Variants in ELAVL2 observed in about 807,000 individuals in gnomAD.
ELAVL2 encodes the protein ELAV like RNA binding protein 2, also known as ELAV-like protein 2.
In ELAVL2, 4 loss-of-function variants were observed where a neutral mutation model predicts 34.6. The ratio of observed to expected loss-of-function variants is 0.12; its 90% CI spans 0.06 to 0.26. The LOEUF (loss-of-function observed/expected upper bound fraction) is 0.26. Ranked by LOEUF, ELAVL2 falls within the 10% of genes least tolerant of loss-of-function variation. The pLI, the probability that ELAVL2 is intolerant of heterozygous loss-of-function variation, is 1.00. For missense variants in ELAVL2, 432 were observed against 442.8 expected, an observed-to-expected ratio of 0.98 and a Z score of 0.22; for synonymous variants, 193 against 154.8, an observed-to-expected ratio of 1.25 and a Z score of -1.83.
At chr9:23,751,288 T>C (rs938618286) in intron 2 of ELAVL2, among the ~76,000 whole-genome samples, 4 of 152,134 alleles carry the variant, frequency 2.6e-5, no homozygotes, top group Non-Finnish European at 4.4e-5. Context: ...ATTCACAATA[T>C]GCATAAGGAT....
intron 3 of ELAVL2, among the ~76,000 whole-genome samples, chr9:23,714,198 T>C (rs1312103710): frequency 6.6e-6 from 1 of 152,162 alleles, no homozygotes; most frequent in Non-Finnish European, 1.5e-5. Flanking sequence ...CCAATAAGTT[T>C]ATGCAGCATC....
intron 1 of ELAVL2, among the ~76,000 whole-genome samples, chr9:23,794,113 G>A (rs2060632575): frequency 1.3e-5 from 2 of 152,194 alleles, no homozygotes; most frequent in South Asian, 4.1e-4. Flanking sequence ...GCAGTCAGCA[G>A]CACCCAGAGA....
chr9:23,739,440 T>C (rs901897354), intron 2 of ELAVL2, among the ~76,000 whole-genome samples: 3 of 152,090 alleles, frequency 2.0e-5, no homozygotes, highest in Non-Finnish European at 4.4e-5. Flanking sequence ...CATTAACAAC[T>C]CTAGGCTAGT....
In ELAVL2 at chr9:23,791,456, A is replaced by T. The variant is rs373688312; in HGVS notation, c.-15-29207T>A. On this transcript the variant is annotated intron_variant, in intron 1 of 6. Coordinates refer to ENST00000397312, the MANE Select transcript of ELAVL2 (RefSeq NM_004432.5). The stretch of plus-strand genomic sequence containing the variant: ...AAACCATAATCTCCAACGTGACTAT[A>T]TTTGAAAACAGGGTTGTGTAGTTCA... Among the ~76,000 whole-genome samples, 6 of 152,336 alleles carry T rather than the reference A, an allele frequency of 3.9e-5. No homozygotes were observed. The East Asian group carries it at 9.6e-4, about 24-fold the overall frequency.
At chr9:23,846,441 TA>T in the ELAVL2 span, among the ~76,000 whole-genome samples, 1 of 152,048 alleles carries the variant, frequency 6.6e-6, no homozygotes, top group Non-Finnish European at 1.5e-5. Flanking sequence ...ATCAAAATTT[TA>T]AAAGTCTTGA....
At chr9:23,721,081 C>T (rs1043918449) in intron 3 of ELAVL2, among the ~76,000 whole-genome samples, 9 of 152,234 alleles carry the variant, frequency 5.9e-5, no homozygotes, top group Middle Eastern at 3.2e-3. Flanking sequence ...AAGCCCTTTT[C>T]CTTGCCATCC....
the ELAVL2 span, among the ~76,000 whole-genome samples, chr9:23,843,831 T>C: frequency 6.6e-6 from 1 of 152,132 alleles, no homozygotes; most frequent in South Asian, 2.1e-4. Context: ...TTATCCATTA[T>C]GCTACTAGCA....
At chr9:23,750,140 C>G (rs1003822211) in intron 2 of ELAVL2, among the ~76,000 whole-genome samples, 26 of 151,804 alleles carry the variant, frequency 1.7e-4, no homozygotes, top group African/African-American at 6.3e-4. Flanking sequence ...ATATTGTTTT[C>G]TATAAGCATT....
At chr9:23,826,531 G>C (rs890430084), upstream of ELAVL2, among the ~76,000 whole-genome samples, 9 of 152,320 alleles carry the variant, frequency 5.9e-5, no homozygotes, top group East Asian at 5.8e-4. Context: ...AGTTGTGCGG[G>C]GAGGTACACT....
At chr9:23,731,146 A>G in intron 2 of ELAVL2, 21 bp from the exon 3 acceptor site, 1 of 1,604,396 alleles carries the variant, frequency 6.2e-7, no homozygotes, top group Non-Finnish European at 8.5e-7. Flanking sequence ...GGAAGGGGAA[A>G]AAGGCATATA....
intron 2 of ELAVL2, among the ~76,000 whole-genome samples, chr9:23,733,266 G>A (rs1205656529): frequency 6.6e-6 from 1 of 151,414 alleles, no homozygotes; most frequent in Non-Finnish European, 1.5e-5. Context: ...ATGTGTGTTT[G>A]TGTCTGTATA....
At chr9:23,795,109 A>C (rs1321746837) in intron 1 of ELAVL2, among the ~76,000 whole-genome samples, 1 of 152,204 alleles carries the variant, frequency 6.6e-6, no homozygotes, top group Admixed American at 6.5e-5. Flanking sequence ...ATTTCTAAGC[A>C]ATATTTTCAA....
At chr9:23,810,120 C>T (rs1391757622) in intron 1 of ELAVL2, among the ~76,000 whole-genome samples, 2 of 152,080 alleles carry the variant, frequency 1.3e-5, no homozygotes, top group African/African-American at 4.8e-5. Flanking sequence ...GTCACTTTCA[C>T]CTTTTTCTTG....
chr9:23,763,452 C>T (rs1040941644), intron 1 of ELAVL2, among the ~76,000 whole-genome samples: 14 of 152,048 alleles, frequency 9.2e-5, no homozygotes, highest in Non-Finnish European at 1.6e-4. Context: ...ATATTGCATA[C>T]ATCTCTCACC....
At chr9:23,766,091 T>C (rs1441790348) in intron 1 of ELAVL2, among the ~76,000 whole-genome samples, 2 of 152,210 alleles carry the variant, frequency 1.3e-5, no homozygotes, top group Non-Finnish European at 2.9e-5. Context: ...CTTTTACTTA[T>C]TGATAATTAT....
At position 23,750,752 on chromosome 9, in the gene ELAVL2, C is replaced by A. The variant is rs1381088067; in HGVS notation, c.229+11254G>T. ...ACATTTAAAGTAGAATAAGAGCAAA[C>A]TACAATTCATTTAAATGGAATGAAA... On this transcript the variant is annotated intron_variant, in intron 2 of 6. Coordinates refer to ENST00000397312, the MANE Select transcript of ELAVL2 (RefSeq NM_004432.5). 2.6e-5 allele frequency among the ~76,000 whole-genome samples: 4 copies of A among 152,056 alleles called. No homozygotes were observed. The East Asian group carries it at 7.7e-4, about 29-fold the overall frequency.
chr9:23,747,704 T>A (rs1188556543), intron 2 of ELAVL2, among the ~76,000 whole-genome samples: 1 of 152,186 alleles, frequency 6.6e-6, no homozygotes. Context: ...GACTTACCCA[T>A]GAAGTATTCA....
intron 3 of ELAVL2, among the ~76,000 whole-genome samples, chr9:23,715,738 C>A (rs1587598628): frequency 6.6e-6 from 1 of 152,248 alleles, no homozygotes; most frequent in African/African-American, 2.4e-5. Context: ...TGTGTAGTAT[C>A]TGAATGTCTA....
At chr9:23,818,734 T>C (rs559393855) in intron 1 of ELAVL2, among the ~76,000 whole-genome samples, 2 of 152,216 alleles carry the variant, frequency 1.3e-5, no homozygotes, top group Non-Finnish European at 2.9e-5. Context: ...GACGATGTGA[T>C]AGATTTAATA....
Sources: allele counts gnomAD v4.1 joint callset (sites outside exome capture counted in the v4.1 genomes callset), GRCh38; gene constraint gnomAD v4.1.1; transcripts MANE v1.5; gene names NCBI Gene and HGNC (gene_info 2026-07-23, HGNC 2026-07-21).